The following CNTN4 variants were observed in gnomAD, a reference collection of about 807,000 sequenced individuals.
The protein encoded by CNTN4 is contactin-4.
In CNTN4, 77 loss-of-function variants were observed where a neutral mutation model predicts 122.5. That is an observed-to-expected ratio of 0.63 (90% confidence interval 0.52 to 0.76). The LOEUF (loss-of-function observed/expected upper bound fraction) is 0.76, where lower values mean the gene tolerates loss of function less well. Among genes scored for constraint, CNTN4 ranks in the 30% least tolerant of loss-of-function variants. The probability of loss-of-function intolerance (pLI) is 0.00; values close to 1 mark genes in which losing one functional copy is unlikely to be tolerated. For missense variants in CNTN4, 1,256 were observed against 1,259.1 expected, an observed-to-expected ratio of 1.00 and a Z score of 0.04; for synonymous variants, 512 against 447.0, an observed-to-expected ratio of 1.15 and a Z score of -1.83.
chr3:2,128,433 G>T (rs907944856), intron 2 of CNTN4, among the ~76,000 whole-genome samples: 1 of 152,156 alleles, frequency 6.6e-6, no homozygotes, highest in African/African-American at 2.4e-5. Context: ...GATGAATAGG[G>T]TGAGGCTTAG....
intron 4 of CNTN4, among the ~76,000 whole-genome samples, chr3:2,675,065 T>A (rs2084768671): frequency 1.3e-5 from 2 of 151,382 alleles, no homozygotes; most frequent in South Asian, 4.2e-4. Flanking sequence ...TTATGTGAAG[T>A]AAAAGGCTTC....
rs28461666 is a variant in CNTN4, at chr3:2,663,260, T to G, written c.56-72955T>G. On this transcript the variant is annotated intron_variant, in intron 4 of 24. Coordinates refer to ENST00000418658, the MANE Select transcript of CNTN4 (RefSeq NM_175607.3). ...TCAAAAAAGTGAGTTAAGAGATTAA[T>G]GGTATATAATAGGAATAGATAATGA... 6.2e-3 allele frequency among the ~76,000 whole-genome samples: 944 copies of G among 152,252 alleles called. 17 individuals carry two copies. The highest frequency in any genetic ancestry group is 0.022 in the African/African-American group (905 of 41,550).
In CNTN4 at chr3:2,385,113, C is replaced by T. The variant is rs1232116945; in HGVS notation, c.-89+45880C>T. ...AATTACATTGCTGATATCAGAGTGA[C>T]CTGTTAAAAGTATAAACATATCATT... On this transcript the variant is annotated intron_variant, in intron 3 of 24. Coordinates refer to ENST00000418658, the MANE Select transcript of CNTN4 (RefSeq NM_175607.3). The surrounding 1 kb of genome is among the most constrained non-coding windows in gnomAD (Gnocchi z 4.0). Among the ~76,000 whole-genome samples, 1 of 152,154 alleles carries T rather than the reference C, an allele frequency of 6.6e-6. No homozygotes were observed. Among genetic ancestry groups the T allele is most frequent in the Admixed American group, 6.5e-5 (1 of 15,272 alleles).
At chr3:3,011,799 C>A (rs1697260921) in intron 14 of CNTN4, among the ~76,000 whole-genome samples, 1 of 152,084 alleles carries the variant, frequency 6.6e-6, no homozygotes, top group African/African-American at 2.4e-5. Context: ...CTCCCCGCCC[C>A]AGTCTCTGCA....
intron 4 of CNTN4, among the ~76,000 whole-genome samples, chr3:2,619,473 C>T (rs182749075): frequency 6.6e-6 from 1 of 152,292 alleles, no homozygotes; most frequent in African/African-American, 2.4e-5. Flanking sequence ...AAAATATTTG[C>T]AGCCTCTGTA....
chr3:2,890,696 T>C (rs2094029233), intron 10 of CNTN4, among the ~76,000 whole-genome samples: 1 of 152,228 alleles, frequency 6.6e-6, no homozygotes, highest in Non-Finnish European at 1.5e-5. Flanking sequence ...GGAAGCCCTA[T>C]TGCCCTTTGG....
intron 7 of CNTN4, among the ~76,000 whole-genome samples, chr3:2,840,516 C>T (rs369293767): frequency 1.6e-4 from 19 of 116,534 alleles, no homozygotes; most frequent in South Asian, 7.5e-4. Flanking sequence ...CTGGCTAACA[C>T]GGTGAAACCC....
chr3:3,047,346 A>C (rs1231369934), intron 23 of CNTN4, among the ~76,000 whole-genome samples: 1 of 152,228 alleles, frequency 6.6e-6, no homozygotes, highest in Non-Finnish European at 1.5e-5. Flanking sequence ...ACCACATCGC[A>C]CTTATTCCAT....
chr3:2,230,156 C>T (rs1204647471), intron 2 of CNTN4, among the ~76,000 whole-genome samples: 1 of 152,164 alleles, frequency 6.6e-6, no homozygotes, highest in African/African-American at 2.4e-5. Flanking sequence ...TGTCACCTGT[C>T]CTACACAGCA....
chr3:2,988,794 T>C (rs1284448562), intron 14 of CNTN4: 2 of 317,014 alleles, frequency 6.3e-6, no homozygotes, highest in East Asian at 1.5e-4. Context: ...TTGAAATTCA[T>C]GTCTAGGAAC....
In CNTN4 at chr3:2,113,233, G is replaced by A. The variant is rs549673706; in HGVS notation, c.-145+12594G>A. On this transcript the variant is annotated intron_variant, in intron 2 of 24. Transcript: ENST00000418658. ...ACATAATAAATTGTCCATCAATAGG[G>A]ACTATTTGAGTTTGATATTGATCTT... Among the ~76,000 whole-genome samples the A allele has an allele frequency of 7.2e-5, 11 of 152,242 alleles. No homozygotes were observed. In the East Asian group the frequency reaches 1.7e-3, roughly 24 times the overall value.
intron 3 of CNTN4, among the ~76,000 whole-genome samples, chr3:2,516,755 T>C (rs1231420612): frequency 6.6e-6 from 1 of 152,116 alleles, no homozygotes; most frequent in Non-Finnish European, 1.5e-5. Flanking sequence ...AAAGTGTTTC[T>C]TATGGTTAGA....
intron 8 of CNTN4, among the ~76,000 whole-genome samples, chr3:2,873,834 A>G (rs1041770395): frequency 6.6e-6 from 1 of 152,206 alleles, no homozygotes; most frequent in Non-Finnish European, 1.5e-5. Flanking sequence ...ACAGGTAGAG[A>G]TATGCCTTCC....
intron 4 of CNTN4, among the ~76,000 whole-genome samples, chr3:2,670,094 G>A (rs2084414632): frequency 6.6e-6 from 1 of 152,230 alleles, no homozygotes; most frequent in Non-Finnish European, 1.5e-5. Context: ...GAGTTCTGTA[G>A]ATGTCTATTA....
At chr3:2,837,829 A>T (rs2093262172) in intron 7 of CNTN4, among the ~76,000 whole-genome samples, 1 of 152,154 alleles carries the variant, frequency 6.6e-6, no homozygotes, top group South Asian at 2.1e-4. Context: ...GATCTGAAAT[A>T]TGTCATGCTT....
chr3:3,034,572 C>T (rs1010003276), intron 16 of CNTN4, 60 bp from the exon 17 acceptor site: 3 of 1,540,664 alleles, frequency 1.9e-6, no homozygotes, highest in African/African-American at 1.4e-5. Flanking sequence ...AAGTATGTGG[C>T]TCCTTTACTT....
At chr3:3,003,470 C>T (rs11926627) in intron 14 of CNTN4, among the ~76,000 whole-genome samples, 1 of 151,880 alleles carries the variant, frequency 6.6e-6, no homozygotes, top group Non-Finnish European at 1.5e-5. Context: ...AAATATGATG[C>T]TAAGTGAAAG....
chr3:2,168,047 C>T (rs2727929), intron 2 of CNTN4, among the ~76,000 whole-genome samples: 107,759 of 151,734 alleles, frequency 0.71, 38,477 homozygotes, highest in Admixed American at 0.75. Flanking sequence ...CCAGGAGGAT[C>T]GCTTGAGTCC....
chr3:2,393,153 G>T (rs2046507779), intron 3 of CNTN4, among the ~76,000 whole-genome samples: 1 of 152,128 alleles, frequency 6.6e-6, no homozygotes, highest in Admixed American at 6.6e-5. Flanking sequence ...GTTACAGCTT[G>T]TTGCCTTCAT....
Sources: gnomAD v4.1 joint callset for allele counts (sites outside exome capture counted in the v4.1 genomes callset) on GRCh38, gnomAD v4.1.1 for gene constraint, Gnocchi (gnomAD v3.1) non-coding constraint, MANE v1.5 for transcripts, NCBI Gene and HGNC (gene_info 2026-07-23, HGNC 2026-07-21) for gene names.